The following CTNNA3 variants were observed in gnomAD, a reference collection of about 807,000 sequenced individuals.
CTNNA3 encodes the protein catenin alpha-3.
Under a neutral mutation model 95.7 loss-of-function variants are expected in CTNNA3, and 76 were observed. The ratio of observed to expected loss-of-function variants is 0.79; its 90% CI spans 0.66 to 0.96. The LOEUF is 0.96. CTNNA3 is among the 40% of genes least tolerant of loss of function. CTNNA3 has a pLI of 0.00. For synonymous variants in CTNNA3, 431 were observed against 374.4 expected (o/e 1.15, Z -1.74); for missense variants, 1,191 against 1,089.8 (o/e 1.09, Z -1.31).
chr10:67,144,184 A>G (rs962304020), intron 7 of CTNNA3, among the ~76,000 whole-genome samples: 14 of 152,324 alleles, frequency 9.2e-5, no homozygotes, highest in African/African-American at 2.6e-4. Flanking sequence ...AGCAGGTTTC[A>G]ACGTTGGGTT....
rs1354954461 is a variant in CTNNA3 at position 65,913,616 on chromosome 10, T to C, written c.*6714A>G. 6.6e-6 allele frequency: 1 copy of C among 152,148 alleles called. No individual in the cohort carries two copies. Among genetic ancestry groups the C allele is most frequent in the East Asian group, 1.9e-4 (1 of 5,202 alleles). The allele number at this position is 152,148 out of a possible 1,614,324, so 9.4% of individuals were successfully genotyped here. A position where few individuals can be genotyped will look rare whatever the true frequency, so the allele number is the denominator to read the frequency against. ...GTAAAAATACAGCATTATAATGGTA[T>C]AAGATTTGGCAAGCAATGGAACATG... On this transcript the variant is annotated 3_prime_UTR_variant, in exon 18 of 18. Coordinates refer to ENST00000433211, the MANE Select transcript of CTNNA3 (RefSeq NM_013266.4).
intron 7 of CTNNA3, among the ~76,000 whole-genome samples, chr10:66,972,497 T>G (rs997280165): frequency 1.3e-5 from 2 of 152,034 alleles, no homozygotes; most frequent in Admixed American, 1.3e-4. Flanking sequence ...TTCCTCTTAC[T>G]TCTGCATAAA....
At chr10:67,203,365 T>A (rs991830400) in intron 6 of CTNNA3, among the ~76,000 whole-genome samples, 2 of 152,174 alleles carry the variant, frequency 1.3e-5, no homozygotes, top group Admixed American at 6.5e-5. Context: ...CCTTCCACCA[T>A]GATTGTGAGG....
intron 10 of CTNNA3, among the ~76,000 whole-genome samples, chr10:66,599,208 G>C (rs1294203005): frequency 6.6e-6 from 1 of 151,988 alleles, no homozygotes; most frequent in South Asian, 2.1e-4. Flanking sequence ...ATGATTTCTA[G>C]GCAGCATCTG....
rs533645335 is a variant in CTNNA3, at chr10:66,245,147, G to A, written c.1884+35323C>T. On this transcript the variant is annotated intron_variant, in intron 13 of 17. Transcript: ENST00000433211. ...GGGTGGGTGAGTGAGTGTGGGGTCC[G>A]GCCACTGCTCAGTCAGACATGCCAG... Among the ~76,000 whole-genome samples the A allele has an allele frequency of 4.3e-4, 66 of 152,240 alleles. No homozygotes were observed. The South Asian group carries it at 0.011, about 25-fold the overall frequency.
chr10:67,031,315 G>T (rs80346254), intron 7 of CTNNA3, among the ~76,000 whole-genome samples: 3,562 of 152,180 alleles, frequency 0.023, 138 homozygotes, highest in African/African-American at 0.08. Flanking sequence ...ACAGAGAAGG[G>T]AAAAAATGCA....
At chr10:66,994,068 C>G (rs1469909652) in intron 7 of CTNNA3, among the ~76,000 whole-genome samples, 1 of 152,054 alleles carries the variant, frequency 6.6e-6, no homozygotes, top group East Asian at 1.9e-4. Context: ...ATTAATCATG[C>G]CAGGTCAAAC....
At chr10:67,218,269 G>C (rs915353263) in intron 6 of CTNNA3, among the ~76,000 whole-genome samples, 1 of 152,074 alleles carries the variant, frequency 6.6e-6, no homozygotes, top group African/African-American at 2.4e-5. Context: ...TTTAACAATG[G>C]TTCAACTTAT....
intron 9 of CTNNA3, among the ~76,000 whole-genome samples, chr10:66,702,136 A>AATTT (rs1847963994): frequency 6.6e-6 from 1 of 151,936 alleles, no homozygotes; most frequent in Non-Finnish European, 1.5e-5. Context: ...CCATTTACAC[A>AATTT]GTAAAAAAAA....
chr10:66,034,663 G>A (rs1162182154), intron 15 of CTNNA3, among the ~76,000 whole-genome samples: 1 of 152,128 alleles, frequency 6.6e-6, no homozygotes, highest in Non-Finnish European at 1.5e-5. Context: ...TTTATGCACT[G>A]TGAGTATTCC....
chr10:67,692,133 G>T (rs1306941721), intron 1 of CTNNA3, among the ~76,000 whole-genome samples: 1 of 149,752 alleles, frequency 6.7e-6, no homozygotes, highest in Admixed American at 6.6e-5. Context: ...TCAGCCCCCT[G>T]CCCGGCCAGC....
At chr10:66,144,641 C>A (rs1009477801) in intron 13 of CTNNA3, among the ~76,000 whole-genome samples, 1 of 152,092 alleles carries the variant, frequency 6.6e-6, no homozygotes, top group East Asian at 1.9e-4. Flanking sequence ...GGACCAGCCA[C>A]CACACCTAGC....
intron 11 of CTNNA3, among the ~76,000 whole-genome samples, chr10:66,435,920 C>G (rs1166978491): frequency 1.3e-5 from 2 of 150,804 alleles, no homozygotes; most frequent in African/African-American, 4.9e-5. Context: ...TTATTTCTGC[C>G]TTAATTTATT....
At chr10:67,452,386 A>G (rs1564659709) in intron 5 of CTNNA3, among the ~76,000 whole-genome samples, 7 of 152,220 alleles carry the variant, frequency 4.6e-5, no homozygotes, top group Admixed American at 3.3e-4. Context: ...ATATTAGTTT[A>G]TCTTACTACA....
At position 66,520,623 on chromosome 10, in the gene CTNNA3, C is replaced by A; in HGVS notation, c.1525G>T (p.Val509Leu). 2 of 1,601,472 alleles carry A rather than the reference C, an allele frequency of 1.2e-6. No individual in the cohort carries two copies. The highest frequency in any genetic ancestry group is 1.7e-6 in the Non-Finnish European group (2 of 1,173,618). ...DITSIDDFLAVSESHILEDVN... is the reference protein window; with the variant it reads ...DITSIDDFLALSESHILEDVN... ...TAAAAGAATAAAAACATACCAGATA[C>A]AGCAAGGAAGTCATCAATGCTTGTA... is the stretch of plus-strand genomic sequence containing the variant. Residue 509 changes from valine (V) to leucine (L), a missense_variant, in exon 11 of 18, where the codon GTA (valine) becomes TTA (leucine). By Grantham distance (32) the Val-to-Leu change is conservative (BLOSUM62 1). Coordinates refer to ENST00000433211, the MANE Select transcript of CTNNA3 (RefSeq NM_013266.4).
intron 7 of CTNNA3, among the ~76,000 whole-genome samples, chr10:66,872,387 C>T (rs903615624): frequency 7.9e-5 from 12 of 152,028 alleles, no homozygotes; most frequent in African/African-American, 1.4e-4. Flanking sequence ...AAATAATTTT[C>T]GCTGGGTTCA....
At chr10:66,008,998 G>A (rs1308984940) in intron 15 of CTNNA3, among the ~76,000 whole-genome samples, 1 of 152,098 alleles carries the variant, frequency 6.6e-6, no homozygotes, top group African/African-American at 2.4e-5. Context: ...TACTCAGGAG[G>A]CTGAGGCAGG....
In CTNNA3 at chr10:67,098,026, T is replaced by A. The variant is rs970257548; in HGVS notation, c.1047+82291A>T. On this transcript the variant is annotated intron_variant, in intron 7 of 17. Coordinates refer to ENST00000433211, the MANE Select transcript of CTNNA3 (RefSeq NM_013266.4). Reference sequence around the variant, plus strand: ...AGTATTTTTTGACTTAAACAGAGTATGACCCTGAAAAATAAAAGAATCTTT... The same window carrying A: ...AGTATTTTTTGACTTAAACAGAGTAAGACCCTGAAAAATAAAAGAATCTTT... The A allele has an allele frequency of 2.1e-5, 11 of 535,180 alleles. No individual in the cohort carries two copies. In the South Asian group the frequency reaches 2.1e-4, roughly 10 times the overall value. 33.2% of individuals were successfully genotyped at this position (535,180 alleles called of 1,614,324 possible).
intron 10 of CTNNA3, among the ~76,000 whole-genome samples, chr10:66,555,472 C>T (rs577969758): frequency 6.6e-6 from 1 of 152,140 alleles, no homozygotes; most frequent in African/African-American, 2.4e-5. Context: ...TAAAAATAAT[C>T]ACTGTTACAT....
Sources: gnomAD v4.1 joint callset for allele counts (sites outside exome capture counted in the v4.1 genomes callset) on GRCh38, gnomAD v4.1.1 for gene constraint, MANE v1.5 for transcripts, NCBI Gene and HGNC (gene_info 2026-07-23, HGNC 2026-07-21) for gene names.